The following SYN3 variants were observed in gnomAD, a reference collection of about 807,000 sequenced individuals.
SYN3 encodes the protein synapsin-3.
Under a neutral mutation model 65.8 loss-of-function variants are expected in SYN3, and 35 were observed. The ratio of observed to expected loss-of-function variants is 0.53; its 90% CI spans 0.41 to 0.70. The LOEUF is 0.70. Among genes scored for constraint, SYN3 ranks in the 30% least tolerant of loss-of-function variants. SYN3 has a pLI of 0.00. For synonymous variants in SYN3, 270 were observed against 292.9 expected (o/e 0.92, Z 0.80); for missense variants, 680 against 749.0 (o/e 0.91, Z 1.08).
At position 32,518,108 on chromosome 22, in the gene SYN3, C is replaced by T; in HGVS notation, c.1545G>A (p.Gln515=). 6.3e-7 allele frequency: 1 copy of T among 1,586,934 alleles called. No individual in the cohort carries two copies. The highest frequency in any genetic ancestry group is 8.6e-7 in the Non-Finnish European group (1 of 1,167,134). The change falls in exon 13 of 14, where the codon CAG becomes CAA. Residue 515 remains glutamine, a synonymous_variant. Coordinates refer to ENST00000358763, the MANE Select transcript of SYN3 (RefSeq NM_003490.4). ...CACCCTGCTGGGAGGTACTACGGCC[C>T]TGCACAGGGGGCCGGGGCTGTGAGG... ...TLASQPRPPV[Q]GRSTSQQGEE...
chr22:32,775,473 C>T (rs547364987), intron 6 of SYN3, among the ~76,000 whole-genome samples: 6 of 152,276 alleles, frequency 3.9e-5, no homozygotes, highest in Non-Finnish European at 5.9e-5. Flanking sequence ...AGATAACTGT[C>T]GACGAGGAGG....
intron 6 of SYN3, among the ~76,000 whole-genome samples, chr22:32,762,294 C>T (rs1468506484): frequency 6.6e-6 from 1 of 151,820 alleles, no homozygotes; most frequent in Admixed American, 6.6e-5. Context: ...CTGGCACCCT[C>T]TTCTCCCCGT....
In SYN3 at chr22:32,843,706, T is replaced by C. The variant is rs941437744; in HGVS notation, c.711+21209A>G. 2.6e-5 allele frequency among the ~76,000 whole-genome samples: 4 copies of C among 152,170 alleles called. No individual in the cohort carries two copies. The South Asian group carries it at 8.3e-4, about 31-fold the overall frequency. ...AGTCTAGGCCGAAGATGCGAGCCCA[T>C]GGTCCAGGCTTTTCTTCCTACCTAG... On this transcript the variant is annotated intron_variant, in intron 6 of 13. Coordinates refer to ENST00000358763, the MANE Select transcript of SYN3 (RefSeq NM_003490.4).
At chr22:32,759,097 A>G (rs1055906477) in intron 6 of SYN3, among the ~76,000 whole-genome samples, 1 of 152,130 alleles carries the variant, frequency 6.6e-6, no homozygotes, top group African/African-American at 2.4e-5. Flanking sequence ...TAAGCCCTGT[A>G]TTCAGTTGTG....
chr22:32,557,539 AATC>A (rs2058521641), intron 7 of SYN3, among the ~76,000 whole-genome samples: 1 of 152,234 alleles, frequency 6.6e-6, no homozygotes, highest in African/African-American at 2.4e-5. Flanking sequence ...TATCTCAGTT[AATC>A]TTCAAAACAA....
chr22:32,658,111 G>T (rs1263784685), intron 6 of SYN3, among the ~76,000 whole-genome samples: 1 of 152,200 alleles, frequency 6.6e-6, no homozygotes, highest in Non-Finnish European at 1.5e-5. Context: ...AGGAGGGTGG[G>T]CCGGGAGTCG....
At chr22:32,663,948 C>T (rs1220658984) in intron 6 of SYN3, among the ~76,000 whole-genome samples, 1 of 151,874 alleles carries the variant, frequency 6.6e-6, no homozygotes, top group Non-Finnish European at 1.5e-5. Flanking sequence ...CCACACTGCA[C>T]ATTTTGAAAA....
intron 1 of SYN3, among the ~76,000 whole-genome samples, chr22:33,025,731 A>C (rs949755108): frequency 6.6e-6 from 1 of 152,076 alleles, no homozygotes; most frequent in African/African-American, 2.4e-5. Flanking sequence ...GGCAATTTAC[A>C]GTTTGAATTA....
intron 6 of SYN3, among the ~76,000 whole-genome samples, chr22:32,819,526 T>A (rs1023923981): frequency 4.6e-5 from 7 of 152,188 alleles, no homozygotes; most frequent in African/African-American, 1.7e-4. Flanking sequence ...ACAGATTCTC[T>A]CCTTGAACAC....
chr22:32,854,709 C>T (rs934433017), intron 6 of SYN3, among the ~76,000 whole-genome samples: 1 of 152,116 alleles, frequency 6.6e-6, no homozygotes, highest in African/African-American at 2.4e-5. Context: ...ACCCACCCCG[C>T]GCCCCCACCG....
intron 4 of SYN3, among the ~76,000 whole-genome samples, chr22:32,899,290 C>T (rs1358570838): frequency 1.3e-5 from 2 of 152,128 alleles, no homozygotes; most frequent in African/African-American, 4.8e-5. Flanking sequence ...ATGAAAATGG[C>T]AATAATGAAC....
chr22:32,583,181 A>T (rs1033880663), intron 7 of SYN3: 2 of 152,312 alleles, frequency 1.3e-5, no homozygotes, highest in Non-Finnish European at 2.9e-5. Context: ...ACATGGACAG[A>T]CACACACCCC....
chr22:32,982,732 T>C (rs905715892), intron 2 of SYN3, among the ~76,000 whole-genome samples: 5 of 152,196 alleles, frequency 3.3e-5, no homozygotes, highest in Non-Finnish European at 7.3e-5. Context: ...GGAAATTGAT[T>C]AATATTTGTT....
chr22:32,810,458 G>A (rs955554938), intron 6 of SYN3, among the ~76,000 whole-genome samples: 4 of 150,236 alleles, frequency 2.7e-5, no homozygotes, highest in Non-Finnish European at 4.4e-5. Flanking sequence ...AAAGCTGTAC[G>A]ATCTGGCCTC....
intron 6 of SYN3, among the ~76,000 whole-genome samples, chr22:32,718,454 G>A (rs539400561): frequency 6.6e-6 from 1 of 150,428 alleles, no homozygotes; most frequent in African/African-American, 2.4e-5. Flanking sequence ...CCTGGAAGCA[G>A]CCAAGCATGC....
intron 6 of SYN3, among the ~76,000 whole-genome samples, chr22:32,781,435 A>T (rs1185661147): frequency 1.3e-5 from 2 of 152,112 alleles, no homozygotes; most frequent in Non-Finnish European, 2.9e-5. Flanking sequence ...TCTATCACCA[A>T]TAGGCTACAT....
chr22:32,775,312 C>T (rs532037358), intron 6 of SYN3, among the ~76,000 whole-genome samples: 3 of 152,220 alleles, frequency 2.0e-5, no homozygotes, highest in Admixed American at 2.0e-4. Flanking sequence ...CTTACAGGCC[C>T]TATCACTAAA....
At chr22:32,707,001 C>T (rs1368427572) in intron 6 of SYN3, among the ~76,000 whole-genome samples, 1 of 152,228 alleles carries the variant, frequency 6.6e-6, no homozygotes, top group Non-Finnish European at 1.5e-5. Context: ...AGCATACTCA[C>T]ATTTAAATGC....
chr22:32,998,306 G>A (rs960544778), intron 2 of SYN3, among the ~76,000 whole-genome samples: 1 of 152,148 alleles, frequency 6.6e-6, no homozygotes, highest in Non-Finnish European at 1.5e-5. Context: ...ATCCTTGTTT[G>A]GTAGGAAGGT....
Sources: gnomAD v4.1 joint callset for allele counts (sites outside exome capture counted in the v4.1 genomes callset) on GRCh38, gnomAD v4.1.1 for gene constraint, MANE v1.5 for transcripts, NCBI Gene and HGNC (gene_info 2026-07-23, HGNC 2026-07-21) for gene names.